The following ATP10B variants were observed in gnomAD, a reference collection of about 807,000 sequenced individuals.
ATP10B encodes the protein ATPase phospholipid transporting 10B (putative).
A neutral mutation model predicts 141.2 loss-of-function variants in ATP10B; 122 were observed. That is an observed-to-expected ratio of 0.86 (90% confidence interval 0.75 to 1.00). ATP10B has a LOEUF of 1.00. ATP10B is among the 50% of genes least tolerant of loss of function. The probability of loss-of-function intolerance (pLI) is 0.00; values close to 1 mark genes in which losing one functional copy is unlikely to be tolerated. For synonymous variants in ATP10B, 685 were observed against 692.0 expected (o/e 0.99, Z 0.16); for missense variants, 1,876 against 1,825.3 (o/e 1.03, Z -0.51).
At chr5:160,866,512 A>G in the ATP10B span, among the ~76,000 whole-genome samples, 1 of 152,090 alleles carries the variant, frequency 6.6e-6, no homozygotes, top group South Asian at 2.1e-4. Context: ...CATCTCTACT[A>G]CAAATACAAA....
Position 160,668,016 on chromosome 5 carries a change from G to A in ATP10B, c.675+2447C>T, listed in dbSNP as rs564397179. Among the ~76,000 whole-genome samples, 3 of 152,238 alleles carry A rather than the reference G, an allele frequency of 2.0e-5. No individual in the cohort carries two copies. The South Asian group carries it at 6.2e-4, about 32-fold the overall frequency. ...AGGCCAAGGCAGGTGGATCACTTCAGGTCAGGAGTTCGAGACCAGCCTGGC... is the reference window on the plus strand; with the variant it reads ...AGGCCAAGGCAGGTGGATCACTTCAAGTCAGGAGTTCGAGACCAGCCTGGC... On this transcript the variant is annotated intron_variant, in intron 7 of 25. Transcript: ENST00000327245.
intron 1 of ATP10B, among the ~76,000 whole-genome samples, chr5:160,837,056 T>C (rs1220321465): frequency 6.6e-6 from 1 of 152,168 alleles, no homozygotes; most frequent in Non-Finnish European, 1.5e-5. Flanking sequence ...TACACGATCT[T>C]ACCACATATT....
intron 1 of ATP10B, among the ~76,000 whole-genome samples, chr5:160,848,188 G>A (rs748708605): frequency 1.3e-5 from 2 of 152,132 alleles, no homozygotes; most frequent in Non-Finnish European, 2.9e-5. Flanking sequence ...TACAAATGAA[G>A]AATCTGAAGC....
In ATP10B at chr5:160,565,020, AAACTTT is replaced by A. The variant is rs1754448035; in HGVS notation, c.*427_*432del. ...CCCTTATGTGCACAAGTCTCTTCTG[AAACTTT>A]AACTCTGGGCACTGAGGGGTAAATA... On this transcript the variant is annotated 3_prime_UTR_variant, in exon 26 of 26. Transcript: ENST00000327245. 5.9e-6 allele frequency: 1 copy of A among 169,276 alleles called. No individual in the cohort carries two copies. The highest frequency in any genetic ancestry group is 5.7e-5 in the Admixed American group (1 of 17,648). The allele number at this position is 169,276 out of a possible 1,614,324, so 10.5% of individuals were successfully genotyped here.
the ATP10B span, among the ~76,000 whole-genome samples, chr5:160,904,655 G>A: frequency 6.6e-6 from 1 of 152,178 alleles, no homozygotes; most frequent in Non-Finnish European, 1.5e-5. Context: ...GCAGATTCTT[G>A]AATTATGTAC....
At chr5:160,866,907 T>C in the ATP10B span, among the ~76,000 whole-genome samples, 1 of 152,030 alleles carries the variant, frequency 6.6e-6, no homozygotes, top group Admixed American at 6.6e-5. Context: ...GAGATTTATG[T>C]GAACAAATAA....
intron 6 of ATP10B, 66 bp downstream of exon 6, chr5:160,686,013 T>C: frequency 8.3e-7 from 1 of 1,201,972 alleles, no homozygotes. Context: ...AGACTCATCC[T>C]GAGGCTATGC....
intron 24 of ATP10B, among the ~76,000 whole-genome samples, chr5:160,581,618 A>G (rs1421211521): frequency 6.6e-6 from 1 of 152,190 alleles, no homozygotes; most frequent in Non-Finnish European, 1.5e-5. Context: ...AGAAGAATGT[A>G]TATTCTGTTG....
At chr5:160,659,191 C>T (rs899685744) in intron 7 of ATP10B, among the ~76,000 whole-genome samples, 10 of 152,252 alleles carry the variant, frequency 6.6e-5, no homozygotes, top group Middle Eastern at 3.4e-3. Context: ...TCAGGCCGGG[C>T]GCAGTGGCTC....
At chr5:160,592,031 G>C (rs73304677) in intron 22 of ATP10B, among the ~76,000 whole-genome samples, 2,604 of 152,234 alleles carry the variant, frequency 0.017, 80 homozygotes, top group African/African-American at 0.058. Context: ...GAGCTCCCTC[G>C]ATCCAGCTTC....
chr5:160,863,016 A>G, the ATP10B span, among the ~76,000 whole-genome samples: 3 of 152,038 alleles, frequency 2.0e-5, no homozygotes, highest in Non-Finnish European at 4.4e-5. Context: ...ATAGACAGAT[A>G]TGATTATTCA....
chr5:160,890,805 C>T, the ATP10B span, among the ~76,000 whole-genome samples: 23 of 152,262 alleles, frequency 1.5e-4, no homozygotes, highest in African/African-American at 5.1e-4. Context: ...GCCTCTAACT[C>T]CTGAGTACAA....
At chr5:160,857,691 A>G in the ATP10B span, among the ~76,000 whole-genome samples, 4 of 151,618 alleles carry the variant, frequency 2.6e-5, no homozygotes, top group South Asian at 8.3e-4. Context: ...TGTCCCATTA[A>G]TTTTACTGTG....
chr5:160,868,459 TAA>T, the ATP10B span, among the ~76,000 whole-genome samples: 8 of 150,928 alleles, frequency 5.3e-5, no homozygotes, highest in Non-Finnish European at 8.8e-5. Flanking sequence ...TGATTTTCTT[TAA>T]AAGAGAAAAA....
At chr5:160,582,104 A>G (rs1489327662) in intron 24 of ATP10B, among the ~76,000 whole-genome samples, 1 of 152,040 alleles carries the variant, frequency 6.6e-6, no homozygotes, top group East Asian at 1.9e-4. Flanking sequence ...TCTTTATCCA[A>G]TTTGCCAGTC....
In ATP10B at chr5:160,763,098, C is replaced by T. The variant is rs535584975; in HGVS notation, c.-331+22461G>A. On this transcript the variant is annotated intron_variant, in intron 2 of 25. Coordinates refer to ENST00000327245, the MANE Select transcript of ATP10B (RefSeq NM_025153.3). ...TACTAGACCTAAGAAATGAGATAGA[C>T]GGCAACATAATAATTGTAGAGGACT... Among the ~76,000 whole-genome samples, 140 of 152,124 alleles carry T rather than the reference C, an allele frequency of 9.2e-4. 1 individual carries two copies. The highest frequency in any genetic ancestry group is 3.2e-3 in the African/African-American group (134 of 41,532).
At chr5:160,645,680 G>T (rs1760229244) in intron 8 of ATP10B, among the ~76,000 whole-genome samples, 1 of 152,200 alleles carries the variant, frequency 6.6e-6, no homozygotes, top group South Asian at 2.1e-4. Context: ...CCGTTCCTTT[G>T]AGATTTTCAG....
intron 21 of ATP10B, among the ~76,000 whole-genome samples, 193 bp downstream of exon 21, chr5:160,602,384 C>T (rs1757142752): frequency 6.6e-6 from 1 of 152,214 alleles, no homozygotes; most frequent in South Asian, 2.1e-4. Flanking sequence ...CTCACAATAA[C>T]TTCACAAAAA....
intron 1 of ATP10B, among the ~76,000 whole-genome samples, chr5:160,848,615 T>C (rs1044031139): frequency 6.6e-6 from 1 of 152,194 alleles, no homozygotes; most frequent in Non-Finnish European, 1.5e-5. Flanking sequence ...TTAAATAGCA[T>C]GCCATAAAGA....
Sources: gnomAD v4.1 joint callset for allele counts (sites outside exome capture counted in the v4.1 genomes callset) on GRCh38, gnomAD v4.1.1 for gene constraint, MANE v1.5 for transcripts, NCBI Gene and HGNC (gene_info 2026-07-23, HGNC 2026-07-21) for gene names.